The following GRM8 variants were observed in gnomAD, a reference collection of about 807,000 sequenced individuals.
GRM8 encodes the protein metabotropic glutamate receptor 8.
In GRM8, 47 loss-of-function variants were observed where a neutral mutation model predicts 87.2. The observed-to-expected ratio is 0.54, with a 90% CI of 0.43 to 0.69. The LOEUF (loss-of-function observed/expected upper bound fraction) is 0.69. GRM8 is among the 30% of genes least tolerant of loss of function. The pLI is 0.00. For missense variants in GRM8, 1,019 were observed against 1,139.2 expected (o/e 0.89, Z 1.52); for synonymous variants, 396 against 404.5 (o/e 0.98, Z 0.25).
intron 2 of GRM8, among the ~76,000 whole-genome samples, chr7:127,137,849 T>C (rs1828029112): frequency 6.6e-6 from 1 of 152,202 alleles, no homozygotes; most frequent in Non-Finnish European, 1.5e-5. Flanking sequence ...TCATTTACTG[T>C]CCTTTGTGAA....
At chr7:127,095,556 T>G (rs1398308034) in intron 3 of GRM8, 1 of 152,256 alleles carries the variant, frequency 6.6e-6, no homozygotes, top group African/African-American at 2.4e-5. Context: ...CATTACAAAG[T>G]TGGCATAATA....
At chr7:126,885,478 T>C (rs1800403398) in intron 6 of GRM8, among the ~76,000 whole-genome samples, 2 of 152,150 alleles carry the variant, frequency 1.3e-5, no homozygotes, top group Admixed American at 1.3e-4. Context: ...CTATCATCTG[T>C]GCCCCTAAAG....
rs1822457799 is a variant in GRM8 at position 127,077,895 on chromosome 7, A to G, written c.727+28601T>C. On this transcript the variant is annotated intron_variant, in intron 3 of 10. Transcript: ENST00000339582. The stretch of plus-strand genomic sequence containing the variant: ...TGTTCACGGGGGAACATTTAACAAT[A>G]TCTCAAGACATTTTTGGTTGTTTCA... Among the ~76,000 whole-genome samples the G allele has an allele frequency of 3.3e-5, 5 of 152,192 alleles. No individual in the cohort carries two copies. The South Asian group carries it at 1.0e-3, about 32-fold the overall frequency.
intron 3 of GRM8, among the ~76,000 whole-genome samples, chr7:126,978,112 C>T (rs924224509): frequency 8.6e-5 from 13 of 150,562 alleles, no homozygotes; most frequent in Admixed American, 6.6e-4. Context: ...TGTGAATCAA[C>T]AGTAAATGGA....
chr7:127,137,333 G>C (rs556869166), intron 2 of GRM8, among the ~76,000 whole-genome samples: 28 of 152,162 alleles, frequency 1.8e-4, no homozygotes, highest in African/African-American at 6.7e-4. Context: ...CCTCTAAGTT[G>C]TATAGGCACT....
chr7:126,558,472 G>C (rs971453179), intron 8 of GRM8, among the ~76,000 whole-genome samples: 3 of 152,110 alleles, frequency 2.0e-5, no homozygotes, highest in Non-Finnish European at 4.4e-5. Flanking sequence ...GTATGCCTCT[G>C]TATGCTGTTT....
At chr7:127,214,485 G>A (rs950157409) in intron 2 of GRM8, among the ~76,000 whole-genome samples, 2 of 152,202 alleles carry the variant, frequency 1.3e-5, no homozygotes, top group Non-Finnish European at 2.9e-5. Context: ...ACCTGAGAGA[G>A]GGTAATTTAT....
chr7:127,038,345 C>T (rs1183229857), intron 3 of GRM8, among the ~76,000 whole-genome samples: 6 of 151,848 alleles, frequency 4.0e-5, no homozygotes, highest in African/African-American at 1.5e-4. Flanking sequence ...TAGAAAAATA[C>T]GAGAGGAGAG....
chr7:126,769,702 T>C (rs1331505450), intron 7 of GRM8, among the ~76,000 whole-genome samples, 163 bp downstream of exon 7: 1 of 152,118 alleles, frequency 6.6e-6, no homozygotes, highest in Admixed American at 6.6e-5. Context: ...AAAAAATATG[T>C]TTGAGATTCA....
intron 2 of GRM8, 49 bp downstream of exon 2, chr7:127,242,646 C>T: frequency 6.5e-7 from 1 of 1,531,874 alleles, no homozygotes; most frequent in Middle Eastern, 1.7e-4. Flanking sequence ...GGAGTCATAG[C>T]ATTTCATTGT....
At chr7:127,208,503 T>C (rs1796038456) in intron 2 of GRM8, among the ~76,000 whole-genome samples, 1 of 152,160 alleles carries the variant, frequency 6.6e-6, no homozygotes, top group Non-Finnish European at 1.5e-5. Flanking sequence ...ATCTTGTGAT[T>C]TTTCCATGAT....
chr7:127,222,836 G>A (rs1452129965), intron 2 of GRM8, among the ~76,000 whole-genome samples: 4 of 152,124 alleles, frequency 2.6e-5, no homozygotes. Context: ...TTGAACCCAG[G>A]TCTGTCTACC....
intron 7 of GRM8, among the ~76,000 whole-genome samples, chr7:126,689,776 A>G (rs1438096031): frequency 6.6e-6 from 1 of 152,248 alleles, no homozygotes; most frequent in Non-Finnish European, 1.5e-5. Context: ...ATATACATAT[A>G]CAGTTTATGT....
rs189787578 is a variant in GRM8 at position 127,074,433 on chromosome 7, C to G, written c.727+32063G>C. On this transcript the variant is annotated intron_variant, in intron 3 of 10. Transcript: ENST00000339582. ...ATATGTGTACTGGAAAAGAATGAGG[C>G]AGGGGGCTGCTCCTCCTCTGGGGAC... is the stretch of plus-strand genomic sequence containing the variant. Among the ~76,000 whole-genome samples the G allele has an allele frequency of 4.1e-3, 629 of 152,248 alleles. 1 individual carries two copies. Among genetic ancestry groups the G allele is most frequent in the Middle Eastern group, 0.014 (4 of 294 alleles).
At chr7:127,059,189 G>C (rs886387927) in intron 3 of GRM8, among the ~76,000 whole-genome samples, 1 of 151,928 alleles carries the variant, frequency 6.6e-6, no homozygotes, top group Non-Finnish European at 1.5e-5. Flanking sequence ...AAAATGAATA[G>C]GCAGAGAAGA....
intron 7 of GRM8, among the ~76,000 whole-genome samples, chr7:126,752,507 A>G (rs1424351747): frequency 6.6e-6 from 1 of 152,114 alleles, no homozygotes; most frequent in Non-Finnish European, 1.5e-5. Context: ...TAACTACAGT[A>G]GGGTATAGTA....
At chr7:126,870,816 C>T (rs1384999227) in intron 6 of GRM8, among the ~76,000 whole-genome samples, 1 of 152,160 alleles carries the variant, frequency 6.6e-6, no homozygotes, top group Non-Finnish European at 1.5e-5. Flanking sequence ...GAGCACATGC[C>T]ATTAGAAAAT....
chr7:126,865,535 C>T (rs1327524177), intron 6 of GRM8, among the ~76,000 whole-genome samples: 2 of 152,046 alleles, frequency 1.3e-5, no homozygotes, highest in Non-Finnish European at 2.9e-5. Flanking sequence ...TTTTTATTAC[C>T]CAAAAAGAAG....
intron 7 of GRM8, among the ~76,000 whole-genome samples, chr7:126,746,853 G>A (rs1036517236): frequency 2.0e-5 from 3 of 151,614 alleles, no homozygotes; most frequent in Non-Finnish European, 4.4e-5. Context: ...CAAGGAATAT[G>A]CAATATAAAT....
Sources: allele counts gnomAD v4.1 joint callset (sites outside exome capture counted in the v4.1 genomes callset), GRCh38; gene constraint gnomAD v4.1.1; transcripts MANE v1.5; gene names NCBI Gene and HGNC (gene_info 2026-07-23, HGNC 2026-07-21).